Variants in NUP210 observed in about 807,000 individuals in gnomAD.
NUP210 encodes nuclear pore membrane glycoprotein 210.
Under a neutral mutation model 196.0 loss-of-function variants are expected in NUP210, and 151 were observed. The ratio of observed to expected loss-of-function variants is 0.77; its 90% CI spans 0.67 to 0.88. The LOEUF (loss-of-function observed/expected upper bound fraction) is 0.88. Ranked by LOEUF, NUP210 falls within the 40% of genes least tolerant of loss-of-function variation. The pLI, the probability that NUP210 is intolerant of heterozygous loss-of-function variation, is 0.00. For synonymous variants in NUP210, 1,070 were observed against 1,052.7 expected (o/e 1.02, Z -0.32); for missense variants, 2,314 against 2,493.7 (o/e 0.93, Z 1.53).
intron 1 of NUP210, among the ~76,000 whole-genome samples, chr3:13,410,791 G>A (rs535666199): frequency 2.7e-5 from 4 of 150,858 alleles, no homozygotes; most frequent in Admixed American, 6.6e-5. Context: ...GGTGGCAGAC[G>A]CCTGTAGTCC....
At chr3:13,376,209 A>G (rs1698897543) in intron 10 of NUP210, 82 bp downstream of exon 10, 1 of 1,478,974 alleles carries the variant, frequency 6.8e-7, no homozygotes, top group Non-Finnish European at 9.3e-7. Flanking sequence ...CCTGGGACTC[A>G]TGGCCCTCCT....
At chr3:13,397,230 G>C (rs1408160770) in intron 3 of NUP210, 127 bp downstream of exon 3, 1 of 1,163,792 alleles carries the variant, frequency 8.6e-7, no homozygotes, top group Non-Finnish European at 1.2e-6. Context: ...TGCCTGACCA[G>C]AGCTGCCCTC....
At position 13,394,889 on chromosome 3, in the gene NUP210, G is replaced by GGCAAAAGAAAT. The variant is rs894617714; in HGVS notation, c.436+2457_436+2467dup. ...AAGAGGTCACAGGCTCAGAAAAAAA[G>GGCAAAAGAAAT]GCAAAAGAAATGATGAAGGTACTCA... is the stretch of plus-strand genomic sequence containing the variant. On this transcript the variant is annotated intron_variant, in intron 3 of 39. Transcript: ENST00000254508. Among the ~76,000 whole-genome samples, 21 of 152,354 alleles carry GGCAAAAGAAAT rather than the reference G, an allele frequency of 1.4e-4. No homozygotes were observed. In the East Asian group the frequency reaches 3.9e-3, roughly 28 times the overall value.
chr3:13,393,031 A>G (rs1351642134), intron 3 of NUP210, among the ~76,000 whole-genome samples: 2 of 152,230 alleles, frequency 1.3e-5, no homozygotes, highest in East Asian at 3.8e-4. Context: ...ACTGCAGACC[A>G]CTAGGCAGGC....
At chr3:13,356,419 C>T (rs904926377) in intron 16 of NUP210, among the ~76,000 whole-genome samples, 12 of 152,116 alleles carry the variant, frequency 7.9e-5, no homozygotes, top group Non-Finnish European at 1.6e-4. Context: ...CCGAGGTGGG[C>T]GGATCACGAG....
At chr3:13,419,215 C>A (rs1290505381) in intron 1 of NUP210, among the ~76,000 whole-genome samples, 1 of 152,212 alleles carries the variant, frequency 6.6e-6, no homozygotes, top group Non-Finnish European at 1.5e-5. Flanking sequence ...AGGGCGGAAG[C>A]CCATCTTTTC....
intron 14 of NUP210, among the ~76,000 whole-genome samples, chr3:13,364,036 C>G (rs562276960): frequency 2.0e-5 from 3 of 152,310 alleles, no homozygotes; most frequent in Non-Finnish European, 4.4e-5. Context: ...ACACTCTCAC[C>G]TGCTGCAGTG....
intron 6 of NUP210, among the ~76,000 whole-genome samples, chr3:13,381,555 T>C (rs1044051138): frequency 1.3e-5 from 2 of 151,834 alleles, no homozygotes; most frequent in African/African-American, 4.8e-5. Context: ...AGACTACCAA[T>C]GCACGCCACC....
At chr3:13,317,833 A>G in intron 39 of NUP210, 52 bp from the exon 40 acceptor site, 1 of 1,297,914 alleles carries the variant, frequency 7.7e-7, no homozygotes, top group Non-Finnish European at 1.1e-6. Context: ...AAAGCGGCGC[A>G]CTCTTCAGTT....
chr3:13,340,016 G>A lies in NUP210; in HGVS notation c.3309C>T (p.Gly1103=), dbSNP rs1201177581. The A allele has an allele frequency of 3.7e-6, 6 of 1,613,788 alleles. No homozygotes were observed. In the East Asian group the frequency reaches 1.1e-4, roughly 30 times the overall value. The change falls in exon 25 of 40, where the codon GGC becomes GGT. Residue 1103 remains glycine (G), a synonymous_variant. Transcript: ENST00000254508. The surrounding 1 kb of genome is among the most constrained non-coding windows in gnomAD (Gnocchi z 4.0). ...GATMQVTSEG[G]PQPQSNILFS... The stretch of plus-strand genomic sequence containing the variant: ...AAAGGATGTTGGACTGAGGCTGGGG[G>A]CCGCCCTCGGAGGTGACCTGAGCGG...
intron 16 of NUP210, 90 bp from the exon 17 acceptor site, chr3:13,354,197 C>T: frequency 1.8e-5 from 20 of 1,130,386 alleles, no homozygotes; most frequent in Non-Finnish European, 2.5e-5. Flanking sequence ...CAGCAGCTGC[C>T]CTGTGGGCTC....
At chr3:13,345,932 G>A (rs1435544216) in intron 20 of NUP210, among the ~76,000 whole-genome samples, 1 of 152,228 alleles carries the variant, frequency 6.6e-6, no homozygotes, top group Non-Finnish European at 1.5e-5. Flanking sequence ...CTGCTGTCAG[G>A]AGTGGGCAGG....
At chr3:13,409,174 C>T in intron 1 of NUP210, among the ~76,000 whole-genome samples, 1 of 152,198 alleles carries the variant, frequency 6.6e-6, no homozygotes, top group East Asian at 1.9e-4. Context: ...CCTCCACATA[C>T]CTTCCAGTAA....
At chr3:13,336,524 A>C (rs540435529) in intron 27 of NUP210, among the ~76,000 whole-genome samples, 74 of 151,930 alleles carry the variant, frequency 4.9e-4, no homozygotes, top group African/African-American at 1.7e-3. Flanking sequence ...GAAGCTGCAG[A>C]CTCTGACCTC....
At position 13,350,072 on chromosome 3, in the gene NUP210, C is replaced by CA. The variant is rs1262000969; in HGVS notation, c.2835+1806dup. On this transcript the variant is annotated intron_variant, in intron 20 of 39. Transcript: ENST00000254508. The surrounding 1 kb of genome is among the most constrained non-coding windows in gnomAD (Gnocchi z 4.1). The stretch of plus-strand genomic sequence containing the variant: ...AGTTGAGTGGTCAGTGAAAGACAGC[C>CA]AAAAAAAGCCCTGCAAAGGCCACAG... Among the ~76,000 whole-genome samples, 2 of 151,894 alleles carry CA rather than the reference C, an allele frequency of 1.3e-5. No homozygotes were observed. The highest frequency in any genetic ancestry group is 3.9e-4 in the East Asian group (2 of 5,186).
intron 10 of NUP210, 54 bp from the exon 11 acceptor site, chr3:13,375,695 C>A: frequency 6.3e-7 from 1 of 1,575,912 alleles, no homozygotes; most frequent in South Asian, 1.1e-5. Context: ...CATCATCAGT[C>A]TTTCCCAGTC....
chr3:13,373,577 G>A (rs1262018287), intron 12 of NUP210, 141 bp downstream of exon 12: 1 of 761,058 alleles, frequency 1.3e-6, no homozygotes, highest in African/African-American at 1.7e-5. Flanking sequence ...GAGCTCCTAA[G>A]GGAAGGGCTG....
chr3:13,386,171 G>T, intron 6 of NUP210, 104 bp downstream of exon 6: 2 of 1,242,398 alleles, frequency 1.6e-6, no homozygotes, highest in Non-Finnish European at 2.3e-6. Flanking sequence ...ACCTGATGGA[G>T]CACTTAAAAA....
chr3:13,343,152 C>A (rs766522405), intron 21 of NUP210, 23 bp downstream of exon 21: 2 of 1,613,184 alleles, frequency 1.2e-6, no homozygotes, highest in Admixed American at 1.7e-5. Context: ...CCGAGGGTGC[C>A]CCGTCATGAA....
Sources: gnomAD v4.1 joint callset for allele counts (sites outside exome capture counted in the v4.1 genomes callset) on GRCh38, gnomAD v4.1.1 for gene constraint, Gnocchi (gnomAD v3.1) non-coding constraint, MANE v1.5 for transcripts, NCBI Gene and HGNC (gene_info 2026-07-23, HGNC 2026-07-21) for gene names.